The following HIVEP3 variants were observed in gnomAD, a reference collection of about 807,000 sequenced individuals.
HIVEP3 encodes the protein HIVEP zinc finger 3, also known as transcription factor HIVEP3.
In HIVEP3, 49 loss-of-function variants were observed where a neutral mutation model predicts 152.8. That is an observed-to-expected ratio of 0.32 (90% CI 0.26 to 0.41). The LOEUF (loss-of-function observed/expected upper bound fraction) is 0.41. Among genes scored for constraint, HIVEP3 ranks in the 10% least tolerant of loss-of-function variants. The probability of loss-of-function intolerance (pLI) is 1.00; values close to 1 mark genes in which losing one functional copy is unlikely to be tolerated. For synonymous variants in HIVEP3, 1,269 were observed against 1,289.0 expected (o/e 0.98, Z 0.33); for missense variants, 2,790 against 3,103.3 (o/e 0.90, Z 2.40).
At chr1:41,623,416 T>C (rs948622817) in intron 3 of HIVEP3, among the ~76,000 whole-genome samples, 1 of 152,254 alleles carries the variant, frequency 6.6e-6, no homozygotes, top group African/African-American at 2.4e-5. Flanking sequence ...TTTAAAGGGC[T>C]ATATAAACAA....
chr1:41,774,246 T>G lies in HIVEP3; in HGVS notation c.-800-73251A>C, dbSNP rs529739288. Among the ~76,000 whole-genome samples, 4 of 152,314 alleles carry G rather than the reference T, an allele frequency of 2.6e-5. No homozygotes were observed. The South Asian group carries it at 8.3e-4, about 32-fold the overall frequency. ...CTGAATAGGAAGGCATACGGGGCCT[T>G]CAGAGCCCAGAGATGCCACCATCCT... On this transcript the variant is annotated intron_variant, in intron 1 of 8. Coordinates refer to ENST00000372583, the MANE Select transcript of HIVEP3 (RefSeq NM_024503.5).
intron 1 of HIVEP3, among the ~76,000 whole-genome samples, chr1:41,854,688 C>A (rs1320766091): frequency 1.2e-5 from 1 of 85,008 alleles, no homozygotes; most frequent in Non-Finnish European, 2.2e-5. Context: ...CCCGACCCCA[C>A]CACAGTCCCC....
At chr1:41,529,447 C>A in intron 5 of HIVEP3, among the ~76,000 whole-genome samples, 1 of 100,644 alleles carries the variant, frequency 9.9e-6, no homozygotes, top group East Asian at 2.1e-4. Context: ...GCTCACACCC[C>A]ACACCCTCAC....
At chr1:41,721,152 C>G (rs1241611048) in intron 1 of HIVEP3, among the ~76,000 whole-genome samples, 4 of 152,078 alleles carry the variant, frequency 2.6e-5, no homozygotes, top group Non-Finnish European at 5.9e-5. Context: ...GATACTTTAT[C>G]TACTTAAACA....
chr1:41,773,234 CA>C (rs1323297270), intron 1 of HIVEP3, among the ~76,000 whole-genome samples: 1 of 152,188 alleles, frequency 6.6e-6, no homozygotes, highest in Non-Finnish European at 1.5e-5. Flanking sequence ...CTGGAGCACA[CA>C]AGAGTGAAGT....
intron 1 of HIVEP3, among the ~76,000 whole-genome samples, chr1:41,900,682 C>T (rs1452545400): frequency 6.6e-6 from 1 of 151,960 alleles, no homozygotes; most frequent in African/African-American, 2.4e-5. Flanking sequence ...GTGGTGATCA[C>T]AGCACTTCAG....
intron 1 of HIVEP3, among the ~76,000 whole-genome samples, chr1:41,866,086 C>T (rs1455384474): frequency 6.6e-6 from 1 of 152,214 alleles, no homozygotes; most frequent in Non-Finnish European, 1.5e-5. Flanking sequence ...CCAGCCGAGG[C>T]CAGCTTCCTC....
chr1:41,779,685 T>C (rs990062522), intron 1 of HIVEP3, among the ~76,000 whole-genome samples: 7 of 152,212 alleles, frequency 4.6e-5, no homozygotes, highest in African/African-American at 1.7e-4. Flanking sequence ...TTAGTAGAGA[T>C]AGGGTTTTGC....
At chr1:41,794,625 T>C (rs1259588173) in intron 1 of HIVEP3, among the ~76,000 whole-genome samples, 1 of 152,162 alleles carries the variant, frequency 6.6e-6, no homozygotes, top group African/African-American at 2.4e-5. Flanking sequence ...AAGTATTTGG[T>C]TTTTATTTTT....
chr1:41,885,752 C>G (rs967528712), intron 1 of HIVEP3, among the ~76,000 whole-genome samples: 1 of 147,420 alleles, frequency 6.8e-6, no homozygotes, highest in Non-Finnish European at 1.5e-5. Flanking sequence ...TTTCCCTTCC[C>G]CCTTCCCTTC....
rs958249581 is a variant in HIVEP3 at position 42,014,053 on chromosome 1, C to T, written n.119+21754G>A. ...CATAATGCCCCATGTTGGAGAAGCA[C>T]GGCTTTCAGTGGAGGAAACAGGAAG... On this transcript the variant is annotated intron_variant and non_coding_transcript_variant, in intron 1 of 3. Coordinates refer to the HIVEP3 transcript ENST00000489103. 3.9e-5 allele frequency among the ~76,000 whole-genome samples: 6 copies of T among 152,114 alleles called. No homozygotes were observed. The South Asian group carries it at 6.2e-4, about 16-fold the overall frequency.
chr1:41,962,257 C>G lies in HIVEP3; in HGVS notation n.120-43733G>C, dbSNP rs545909363. ...CCAAGAAAACAGAAGAGAGGCCAGG[C>G]CCAGATCTCCAGATCAAACCAAACC... On this transcript the variant is annotated intron_variant and non_coding_transcript_variant, in intron 1 of 3. Transcript: ENST00000489103. 2.6e-4 allele frequency among the ~76,000 whole-genome samples: 40 copies of G among 152,294 alleles called. No individual in the cohort carries two copies. In the Middle Eastern group the frequency reaches 0.017, roughly 65 times the overall value.
At chr1:41,595,861 G>C (rs1339166036) in intron 3 of HIVEP3, among the ~76,000 whole-genome samples, 1 of 152,092 alleles carries the variant, frequency 6.6e-6, no homozygotes, top group Non-Finnish European at 1.5e-5. Context: ...TTCAGCTTTG[G>C]GACTCAGACT....
chr1:41,642,032 T>C (rs929752379), intron 2 of HIVEP3, among the ~76,000 whole-genome samples: 1 of 152,234 alleles, frequency 6.6e-6, no homozygotes, highest in Non-Finnish European at 1.5e-5. Flanking sequence ...ATAAAGTGCT[T>C]AGAACAGGGC....
intron 1 of HIVEP3, among the ~76,000 whole-genome samples, chr1:41,994,400 C>T (rs937516793): frequency 6.6e-6 from 1 of 152,110 alleles, no homozygotes; most frequent in African/African-American, 2.4e-5. Context: ...TATGTCCCCA[C>T]CCAAATCTCA....
At chr1:41,624,681 C>T (rs1330203017) in intron 3 of HIVEP3, among the ~76,000 whole-genome samples, 3 of 152,160 alleles carry the variant, frequency 2.0e-5, no homozygotes, top group Admixed American at 6.5e-5. Flanking sequence ...GATTGTGGGG[C>T]TTCCTGTCTG....
chr1:41,795,741 A>C (rs760992643), intron 1 of HIVEP3, among the ~76,000 whole-genome samples: 1 of 152,122 alleles, frequency 6.6e-6, no homozygotes, highest in African/African-American at 2.4e-5. Context: ...AAATTGTTCT[A>C]GTTTTGGCTG....
intron 1 of HIVEP3, among the ~76,000 whole-genome samples, chr1:41,759,306 C>T (rs193078017): frequency 7.1e-4 from 108 of 152,162 alleles, no homozygotes; most frequent in African/African-American, 2.5e-3. Context: ...GCTTCTTTCA[C>T]TTAGCATGTT....
intron 1 of HIVEP3, among the ~76,000 whole-genome samples, chr1:42,008,603 T>A (rs1388481356): frequency 6.6e-6 from 1 of 152,220 alleles, no homozygotes; most frequent in Non-Finnish European, 1.5e-5. Context: ...TCATTTGTTG[T>A]TTGGCTGGAG....
Sources: allele counts gnomAD v4.1 joint callset (sites outside exome capture counted in the v4.1 genomes callset), GRCh38; gene constraint gnomAD v4.1.1; transcripts MANE v1.5; gene names NCBI Gene and HGNC (gene_info 2026-07-23, HGNC 2026-07-21).